ELMOD1: variants seen among roughly 807,000 people sequenced by gnomAD.
ELMOD1 encodes the protein ELMO domain-containing protein 1.
A neutral mutation model predicts 46.7 loss-of-function variants in ELMOD1; 21 were observed. That is an observed-to-expected ratio of 0.45 (90% CI 0.32 to 0.65). ELMOD1 has a LOEUF of 0.65. Ranked by LOEUF, ELMOD1 falls within the 30% of genes least tolerant of loss-of-function variation. The pLI, the probability that ELMOD1 is intolerant of heterozygous loss-of-function variation, is 0.04. For missense variants in ELMOD1, 348 were observed against 407.8 expected (o/e 0.85, Z 1.26); for synonymous variants, 122 against 138.2 (o/e 0.88, Z 0.82).
At chr11:107,640,562 A>G (rs1456368872) in intron 6 of ELMOD1, among the ~76,000 whole-genome samples, 1 of 152,168 alleles carries the variant, frequency 6.6e-6, no homozygotes, top group Non-Finnish European at 1.5e-5. Flanking sequence ...CTTGTCTCAT[A>G]ATACAGTATA....
chr11:107,620,840 G>A (rs1215446153), intron 2 of ELMOD1, among the ~76,000 whole-genome samples: 1 of 152,134 alleles, frequency 6.6e-6, no homozygotes, highest in East Asian at 1.9e-4. Flanking sequence ...TTCCAGCCTG[G>A]CAAAAGAGCG....
intron 6 of ELMOD1, among the ~76,000 whole-genome samples, chr11:107,639,080 G>T (rs1591125706): frequency 6.6e-6 from 1 of 152,160 alleles, no homozygotes; most frequent in South Asian, 2.1e-4. Context: ...TGCCCAGGAA[G>T]TCAAGGCTAC....
Position 107,650,351 on chromosome 11 carries a change from G to T in ELMOD1, c.571G>T (p.Asp191Tyr), listed in dbSNP as rs751074571. 1.9e-6 allele frequency: 3 copies of T among 1,589,988 alleles called. No individual in the cohort carries two copies. Among genetic ancestry groups the T allele is most frequent in the Non-Finnish European group, 2.6e-6 (3 of 1,167,164 alleles). Reference protein sequence around the residue: ...LYNLQYFAERDATAAQQVLSD... With the variant: ...LYNLQYFAERYATAAQQVLSD... ...CCGCTGCAGGTATTTCGCGGAAAGG[G>T]ATGCCACAGCAGCTCAGCAGGTCCT... The change falls in exon 8 of 12, where the codon GAT becomes TAT. Residue 191 changes from aspartate (D) to tyrosine (Y), a missense_variant. Asp to Tyr is a radical substitution (Grantham distance 160). Coordinates refer to ENST00000265840, the MANE Select transcript of ELMOD1 (RefSeq NM_018712.4).
At chr11:107,640,574 A>G (rs1484212592) in intron 6 of ELMOD1, among the ~76,000 whole-genome samples, 3 of 152,198 alleles carry the variant, frequency 2.0e-5, no homozygotes. Context: ...TACAGTATAA[A>G]TTATTCCCTA....
chr11:107,594,332 T>G (rs1354672016), intron 1 of ELMOD1, among the ~76,000 whole-genome samples: 3 of 151,428 alleles, frequency 2.0e-5, no homozygotes, highest in African/African-American at 7.3e-5. Flanking sequence ...AGTTGAAGGA[T>G]TTGATCTGAT....
At chr11:107,592,404 G>A (rs1249051630) in intron 1 of ELMOD1, 1 of 534,520 alleles carries the variant, frequency 1.9e-6, no homozygotes, top group Non-Finnish European at 3.8e-6. Flanking sequence ...TTTTGGGCAG[G>A]CATCCAGGCA....
intron 5 of ELMOD1, among the ~76,000 whole-genome samples, chr11:107,633,060 A>G (rs1163643974): frequency 2.0e-5 from 3 of 152,232 alleles, no homozygotes; most frequent in Non-Finnish European, 4.4e-5. Flanking sequence ...TAAGTTGTAT[A>G]TGAAACACAA....
chr11:107,618,355 C>T lies in ELMOD1; in HGVS notation c.17+149C>T, dbSNP rs186019246. 64 of 934,576 alleles carry T rather than the reference C, an allele frequency of 6.8e-5. No homozygotes were observed. The East Asian group carries it at 1.5e-3, about 22-fold the overall frequency. 57.9% of individuals were successfully genotyped at this position (934,576 alleles called of 1,614,324 possible). Reference sequence around the variant, plus strand: ...AGCACTGCATTTTTGCTAAGAATAACTTGGCCATGAGATTCCTCTGCTAAC... The same window carrying T: ...AGCACTGCATTTTTGCTAAGAATAATTTGGCCATGAGATTCCTCTGCTAAC... On this transcript the variant is annotated intron_variant, in intron 2 of 11. Transcript: ENST00000265840.
chr11:107,634,724 G>C (rs1195899470), intron 5 of ELMOD1, among the ~76,000 whole-genome samples: 1 of 152,124 alleles, frequency 6.6e-6, no homozygotes, highest in Admixed American at 6.5e-5. Flanking sequence ...CTGGGTAACA[G>C]AGCAAGACTC....
intron 10 of ELMOD1, among the ~76,000 whole-genome samples, chr11:107,655,162 T>TGG (rs1866604924): frequency 6.6e-6 from 1 of 151,678 alleles, no homozygotes; most frequent in Non-Finnish European, 1.5e-5. Flanking sequence ...TGCACATCTG[T>TGG]GTATATAATA....
At chr11:107,619,854 ATGTATCTTGGAG>A (rs1015621663) in intron 2 of ELMOD1, among the ~76,000 whole-genome samples, 21 of 152,166 alleles carry the variant, frequency 1.4e-4, no homozygotes, top group African/African-American at 5.1e-4. Context: ...CATTTTTTTC[ATGTATCTTGGAG>A]TGTATATTTT....
intron 1 of ELMOD1, among the ~76,000 whole-genome samples, chr11:107,612,708 A>G (rs1232647065): frequency 6.6e-6 from 1 of 152,228 alleles, no homozygotes; most frequent in Non-Finnish European, 1.5e-5. Context: ...TTTGCTAAAC[A>G]CAGATTGTCT....
chr11:107,603,491 A>T, intron 1 of ELMOD1, among the ~76,000 whole-genome samples: 1 of 152,184 alleles, frequency 6.6e-6, no homozygotes, highest in East Asian at 1.9e-4. Flanking sequence ...GTGAGCCAAG[A>T]TCATGCCACT....
intron 1 of ELMOD1, among the ~76,000 whole-genome samples, chr11:107,615,929 T>C (rs765857503): frequency 5.3e-5 from 8 of 151,776 alleles, no homozygotes; most frequent in Middle Eastern, 6.9e-3. Flanking sequence ...ACATGACTTA[T>C]CACTGGTGAT....
chr11:107,646,495 G>A (rs918672207), intron 6 of ELMOD1, among the ~76,000 whole-genome samples: 3 of 152,142 alleles, frequency 2.0e-5, no homozygotes, highest in African/African-American at 7.2e-5. Flanking sequence ...AGCACTTTGG[G>A]AGGCCGAGGC....
chr11:107,592,787 G>T (rs189619600), intron 1 of ELMOD1: 111 of 160,950 alleles, frequency 6.9e-4, no homozygotes, highest in Middle Eastern at 3.1e-3. Context: ...GGAACAGGTT[G>T]TAGGGCGTCT....
chr11:107,606,173 A>G (rs190259822), intron 1 of ELMOD1, among the ~76,000 whole-genome samples: 1 of 152,332 alleles, frequency 6.6e-6, no homozygotes, highest in East Asian at 1.9e-4. Flanking sequence ...TTGCATAGGC[A>G]TAGTGCTTCT....
chr11:107,601,457 C>T (rs1245043742), intron 1 of ELMOD1, among the ~76,000 whole-genome samples: 2 of 147,370 alleles, frequency 1.4e-5, no homozygotes, highest in African/African-American at 5.0e-5. Flanking sequence ...ACTCTGTCGC[C>T]CAGGCTGGAG....
At chr11:107,646,933 T>TTATCTATCTAATCTATC (rs1329740150) in intron 6 of ELMOD1, among the ~76,000 whole-genome samples, 1 of 147,722 alleles carries the variant, frequency 6.8e-6, no homozygotes, top group Non-Finnish European at 1.5e-5. Context: ...TTGTGGGAGA[T>TTATCTATCTAATCTATC]TATCTATCTA....
Sources: gnomAD v4.1 joint callset for allele counts (sites outside exome capture counted in the v4.1 genomes callset) on GRCh38, gnomAD v4.1.1 for gene constraint, MANE v1.5 for transcripts, NCBI Gene and HGNC (gene_info 2026-07-23, HGNC 2026-07-21) for gene names.